ERO1A: variants seen among roughly 807,000 people sequenced by gnomAD.
ERO1A encodes the protein ERO1-like protein alpha.
Under a neutral mutation model 76.9 loss-of-function variants are expected in ERO1A, and 49 were observed. That is an observed-to-expected ratio of 0.64 (90% CI 0.51 to 0.81). The LOEUF is 0.81. ERO1A is among the 30% of genes least tolerant of loss of function. The pLI is 0.00. For missense variants in ERO1A, 448 were observed against 542.1 expected (o/e 0.83, Z 1.72); for synonymous variants, 174 against 181.2 (o/e 0.96, Z 0.32).
At chr14:52,682,749 A>C (rs1278587545) in intron 2 of ERO1A, among the ~76,000 whole-genome samples, 2 of 151,912 alleles carry the variant, frequency 1.3e-5, no homozygotes, top group African/African-American at 4.8e-5. Context: ...AAATACAAAA[A>C]TTAGCGAGGC....
intron 1 of ERO1A, 75 bp from the exon 2 acceptor site, chr14:52,683,982 T>C: frequency 1.7e-6 from 2 of 1,167,560 alleles, no homozygotes; most frequent in Non-Finnish European, 2.4e-6. Context: ...ACATGGTTGT[T>C]AGGAAACAGC....
chr14:52,662,440 T>A (rs2040261067), intron 8 of ERO1A, among the ~76,000 whole-genome samples: 1 of 152,176 alleles, frequency 6.6e-6, no homozygotes, highest in African/African-American at 2.4e-5. Flanking sequence ...TAGGAGGAAA[T>A]TTATATTTAT....
rs779969098 is a variant in ERO1A at position 52,671,848 on chromosome 14, G to A, written c.381C>T (p.Leu127=). 6.2e-7 allele frequency: 1 copy of A among 1,604,164 alleles called. No individual in the cohort carries two copies. Among genetic ancestry groups the A allele is most frequent in the South Asian group, 1.1e-5 (1 of 88,912 alleles). ...SYKYSEEANN[L]IEECEQAERL... is the part of the protein sequence containing the mutation. ...GTTCAGCTTGTTCACATTCTTCAAT[G>A]AGATTATTGGCTTCTTCAGAATACT... The change falls in exon 5 of 16, where the codon CTC becomes CTT. Residue 127 remains leucine (L), a synonymous_variant. Coordinates refer to ENST00000395686, the MANE Select transcript of ERO1A (RefSeq NM_014584.3).
chr14:52,650,064 T>C (rs908778873), intron 13 of ERO1A, among the ~76,000 whole-genome samples: 12 of 151,850 alleles, frequency 7.9e-5, no homozygotes, highest in African/African-American at 2.9e-4. Context: ...AAAAAAATTT[T>C]AAAAGTTAGC....
intron 13 of ERO1A, among the ~76,000 whole-genome samples, chr14:52,649,129 TAC>T (rs898486128): frequency 2.0e-5 from 3 of 152,318 alleles, no homozygotes; most frequent in African/African-American, 7.2e-5. Context: ...TGTTTAGACA[TAC>T]AGTTTTAGGT....
chr14:52,682,229 A>C, intron 3 of ERO1A, 96 bp downstream of exon 3: 1 of 1,003,564 alleles, frequency 1.0e-6, no homozygotes, highest in Admixed American at 2.3e-5. Context: ...CCTCATCTCT[A>C]TTTTTTCAAA....
At position 52,671,795 on chromosome 14, in the gene ERO1A, C is replaced by T. The variant is rs767393455; in HGVS notation, c.434G>A (p.Ser145Asn). The T allele has an allele frequency of 1.2e-6, 2 of 1,605,134 alleles. No homozygotes were observed. Among genetic ancestry groups the T allele is most frequent in the South Asian group, 1.1e-5 (1 of 88,660 alleles). The change falls in exon 5 of 16, where the codon AGT becomes AAT. Residue 145 changes from serine to asparagine, a missense_variant and splice_region_variant. This residue lies in a region of ERO1A where 302 missense variants were observed against 411.9 expected (regional missense o/e 0.73). Transcript: ENST00000395686. Reference sequence around the variant, plus strand: ...ATACTGCTGAAAAATAAAATCAAACCTCAGAGATTCATCCACTGCTCCAAG... The same window carrying T: ...ATACTGCTGAAAAATAAAATCAAACTTCAGAGATTCATCCACTGCTCCAAG... ...ERLGAVDESLSEETQKAVLQW... is the reference protein window; with the variant it reads ...ERLGAVDESLNEETQKAVLQW...
intron 1 of ERO1A, among the ~76,000 whole-genome samples, chr14:52,686,693 T>C (rs2041186964): frequency 6.6e-6 from 1 of 152,094 alleles, no homozygotes; most frequent in Non-Finnish European, 1.5e-5. Flanking sequence ...CTAGCCAACA[T>C]GGTGAAACCC....
intron 9 of ERO1A, among the ~76,000 whole-genome samples, chr14:52,660,769 TAAG>T (rs1267225594): frequency 6.6e-6 from 1 of 152,240 alleles, no homozygotes; most frequent in African/African-American, 2.4e-5. Context: ...CATATGGTCT[TAAG>T]AATAACAAAT....
At chr14:52,649,856 A>G (rs2039795660) in intron 13 of ERO1A, among the ~76,000 whole-genome samples, 1 of 152,152 alleles carries the variant, frequency 6.6e-6, no homozygotes, top group East Asian at 1.9e-4. Context: ...TGAGTGCATA[A>G]AATCAGGTTC....
intron 7 of ERO1A, among the ~76,000 whole-genome samples, chr14:52,665,664 C>G (rs1005240022): frequency 1.3e-5 from 2 of 152,156 alleles, no homozygotes; most frequent in African/African-American, 2.4e-5. Flanking sequence ...TTTAGCACCT[C>G]AAGACTTACG....
chr14:52,653,663 G>A (rs1244441019), intron 11 of ERO1A, among the ~76,000 whole-genome samples: 2 of 151,692 alleles, frequency 1.3e-5, no homozygotes, highest in South Asian at 2.1e-4. Context: ...TCACATCAGG[G>A]CAAATGAAAT....
In ERO1A at chr14:52,695,525, C is replaced by T. The variant is rs768864796; in HGVS notation, c.-44G>A. The T allele has an allele frequency of 1.4e-6, 2 of 1,385,292 alleles. No individual in the cohort carries two copies. The highest frequency in any genetic ancestry group is 2.8e-5 in the South Asian group (2 of 70,630). The allele number at this position is 1,385,292 out of a possible 1,614,324, so 85.8% of individuals were successfully genotyped here. On this transcript the variant is annotated 5_prime_UTR_variant, in exon 1 of 16. Transcript: ENST00000395686. ...TCGCCCCACGCTTGGGAGGCCAGTCCGCACGCTCGGTCGCGGGCCGTGCGC... is the reference window on the plus strand; with the variant it reads ...TCGCCCCACGCTTGGGAGGCCAGTCTGCACGCTCGGTCGCGGGCCGTGCGC...
intron 1 of ERO1A, among the ~76,000 whole-genome samples, chr14:52,686,931 C>G (rs1420770487): frequency 1.3e-5 from 2 of 151,724 alleles, no homozygotes; most frequent in African/African-American, 4.8e-5. Flanking sequence ...ATATTCTTAA[C>G]TACAACCACA....
Position 52,643,555 on chromosome 14 carries a change from A to T in ERO1A, c.*15T>A. ...CTCCATTGTCCAGAAACAGGCACAT[A>T]TCAGCTTGTTTTCTTTAATGAATAT... On this transcript the variant is annotated 3_prime_UTR_variant, in exon 16 of 16. Transcript: ENST00000395686. 1 of 1,465,710 alleles carries T rather than the reference A, an allele frequency of 6.8e-7. No homozygotes were observed. The highest frequency in any genetic ancestry group is 2.8e-5 in the Admixed American group (1 of 35,396). The allele number at this position is 1,465,710 out of a possible 1,614,324, so 90.8% of individuals were successfully genotyped here.
intron 13 of ERO1A, chr14:52,646,818 CTT>C (rs1352828209): frequency 5.6e-6 from 1 of 178,964 alleles, no homozygotes. Flanking sequence ...TACAAAATAA[CTT>C]TGTCAAGGTG....
intron 11 of ERO1A, among the ~76,000 whole-genome samples, chr14:52,656,711 C>CAAAAA (rs34369320): frequency 9.7e-6 from 1 of 103,602 alleles, no homozygotes; most frequent in Non-Finnish European, 2.0e-5. Flanking sequence ...GACTCTGTCT[C>CAAAAA]AAAAAAAAAA....
intron 13 of ERO1A, among the ~76,000 whole-genome samples, chr14:52,651,703 T>C (rs1434233576): frequency 6.6e-6 from 1 of 152,184 alleles, no homozygotes; most frequent in Non-Finnish European, 1.5e-5. Flanking sequence ...ATGGATACAA[T>C]GTGATGTTTT....
chr14:52,659,230 A>G (rs888258073), intron 9 of ERO1A, among the ~76,000 whole-genome samples: 1 of 152,192 alleles, frequency 6.6e-6, no homozygotes, highest in African/African-American at 2.4e-5. Context: ...AAAAATTCAC[A>G]AAGGAAAAAA....
Sources: gnomAD v4.1 joint callset for allele counts (sites outside exome capture counted in the v4.1 genomes callset) on GRCh38, gnomAD v4.1.1 for gene constraint, gnomAD v4.1.1 regional missense constraint, MANE v1.5 for transcripts, NCBI Gene and HGNC (gene_info 2026-07-23, HGNC 2026-07-21) for gene names.